Variants in SPATA13 observed in about 807,000 individuals in gnomAD.
The protein encoded by SPATA13 is spermatogenesis associated 13.
Under a neutral mutation model 104.0 loss-of-function variants are expected in SPATA13, and 50 were observed. That is an observed-to-expected ratio of 0.48 (90% CI 0.38 to 0.61). The LOEUF (loss-of-function observed/expected upper bound fraction) is 0.61. SPATA13 is among the 20% of genes least tolerant of loss of function. The probability of loss-of-function intolerance (pLI) is 0.00; values close to 1 mark genes in which losing one functional copy is unlikely to be tolerated. For synonymous variants in SPATA13, 606 were observed against 667.5 expected (o/e 0.91, Z 1.42); for missense variants, 1,524 against 1,690.6 (o/e 0.90, Z 1.73).
chr13:24,076,854 G>T (rs1395128768), intron 3 of SPATA13, among the ~76,000 whole-genome samples: 2 of 151,934 alleles, frequency 1.3e-5, no homozygotes, highest in African/African-American at 4.8e-5. Flanking sequence ...TACATGCAGG[G>T]TGGACAGGAG....
At chr13:24,180,170 A>G (rs189582563) in intron 1 of SPATA13, among the ~76,000 whole-genome samples, 1 of 152,274 alleles carries the variant, frequency 6.6e-6, no homozygotes, top group Admixed American at 6.5e-5. Context: ...TCTATTTTGC[A>G]TATGGTGTAA....
intron 3 of SPATA13, among the ~76,000 whole-genome samples, chr13:24,090,470 C>T (rs146750600): frequency 2.8e-3 from 426 of 152,302 alleles, no homozygotes; most frequent in African/African-American, 9.3e-3. Flanking sequence ...TCCTCCTGAC[C>T]GTCCCCTCAC....
At chr13:24,203,645 T>G (rs1323495745) in intron 1 of SPATA13, among the ~76,000 whole-genome samples, 1 of 152,204 alleles carries the variant, frequency 6.6e-6, no homozygotes, top group Non-Finnish European at 1.5e-5. Context: ...TAGGGTAATT[T>G]CTGGGGCTTA....
intron 1 of SPATA13, among the ~76,000 whole-genome samples, chr13:24,206,082 T>C (rs1870682230): frequency 6.6e-6 from 1 of 152,038 alleles, no homozygotes; most frequent in African/African-American, 2.4e-5. Flanking sequence ...ACAAATGGGA[T>C]CTAATTACAC....
At chr13:24,116,940 C>T (rs1202127128) in intron 3 of SPATA13, among the ~76,000 whole-genome samples, 1 of 152,186 alleles carries the variant, frequency 6.6e-6, no homozygotes. Flanking sequence ...AGTGAGAAGG[C>T]AGCTGTCTGC....
intron 3 of SPATA13, among the ~76,000 whole-genome samples, chr13:24,250,205 T>C (rs1454603792): frequency 1.3e-5 from 2 of 152,132 alleles, no homozygotes; most frequent in African/African-American, 2.4e-5. Flanking sequence ...TGTTAAAATG[T>C]AAAGATAAAA....
At chr13:24,017,937 C>T (rs1262020338) in intron 3 of SPATA13, among the ~76,000 whole-genome samples, 1 of 152,156 alleles carries the variant, frequency 6.6e-6, no homozygotes, top group Non-Finnish European at 1.5e-5. Flanking sequence ...AGTGAGGCCT[C>T]CTCTTAGCAA....
chr13:23,983,890 G>A (rs1875027194), exon 2 of SPATA13: 6 of 985,326 alleles, frequency 6.1e-6, no homozygotes, highest in African/African-American at 1.7e-5. Context: ...GCAACACCGT[G>A]CAGATGGCAA....
chr13:24,005,218 C>T (rs958966456), intron 2 of SPATA13, among the ~76,000 whole-genome samples: 11 of 152,114 alleles, frequency 7.2e-5, no homozygotes, highest in African/African-American at 2.4e-4. Context: ...TTTCTGGTAG[C>T]CTGGCTATTG....
intron 4 of SPATA13, among the ~76,000 whole-genome samples, chr13:24,259,493 G>A (rs1873956796): frequency 6.6e-6 from 1 of 152,212 alleles, no homozygotes; most frequent in South Asian, 2.1e-4. Flanking sequence ...GTACAATTGG[G>A]GATTATCATT....
intron 1 of SPATA13, among the ~76,000 whole-genome samples, chr13:24,188,366 A>G (rs1479810382): frequency 6.6e-6 from 1 of 151,246 alleles, no homozygotes; most frequent in Non-Finnish European, 1.5e-5. Flanking sequence ...GTGATACTCC[A>G]GTGAACACAC....
intron 4 of SPATA13, among the ~76,000 whole-genome samples, chr13:24,283,442 C>T (rs1486254858): frequency 6.6e-6 from 1 of 152,184 alleles, no homozygotes; most frequent in Non-Finnish European, 1.5e-5. Context: ...AGGACTGAGG[C>T]CATGAGTCTG....
chr13:24,190,481 A>G (rs73457811), intron 1 of SPATA13, among the ~76,000 whole-genome samples: 15 of 149,778 alleles, frequency 1.0e-4, no homozygotes, highest in African/African-American at 3.7e-4. Flanking sequence ...ACCATTCTAG[A>G]TGCCATAAAG....
At chr13:24,053,657 C>G (rs554069831) in intron 3 of SPATA13, among the ~76,000 whole-genome samples, 2 of 152,122 alleles carry the variant, frequency 1.3e-5, no homozygotes, top group Admixed American at 1.3e-4. Flanking sequence ...GTCTAAGACA[C>G]CTGGGGCTCC....
chr13:24,273,617 A>G (rs1289978952), intron 4 of SPATA13, among the ~76,000 whole-genome samples: 2 of 152,248 alleles, frequency 1.3e-5, no homozygotes, highest in Non-Finnish European at 1.5e-5. Context: ...GTCCTTGAGA[A>G]AGTCATAGCT....
intron 3 of SPATA13, among the ~76,000 whole-genome samples, chr13:24,085,072 G>A (rs1879673684): frequency 6.6e-6 from 1 of 150,590 alleles, no homozygotes; most frequent in Admixed American, 6.6e-5. Flanking sequence ...TGCCTTCGTG[G>A]CGATGTTGAT....
chr13:24,102,798 C>A (rs9511054), intron 3 of SPATA13, among the ~76,000 whole-genome samples: 122,887 of 152,126 alleles, frequency 0.81, 52,107 homozygotes, highest in Non-Finnish European at 0.94. Context: ...TTTTAAGTTC[C>A]ACATAATTCC....
intron 2 of SPATA13, among the ~76,000 whole-genome samples, chr13:23,993,677 G>C (rs564614434): frequency 3.3e-5 from 5 of 152,166 alleles, no homozygotes. Flanking sequence ...GGATAAGTGA[G>C]AATTTACCTA....
At chr13:24,162,588 C>T (rs1225468208) in intron 1 of SPATA13, 1 of 155,060 alleles carries the variant, frequency 6.4e-6, no homozygotes, top group Non-Finnish European at 1.5e-5. Flanking sequence ...GTCGTATCCT[C>T]TACATAGTTC....
Sources: gnomAD v4.1 joint callset for allele counts (sites outside exome capture counted in the v4.1 genomes callset) on GRCh38, gnomAD v4.1.1 for gene constraint, MANE v1.5 for transcripts, NCBI Gene and HGNC (gene_info 2026-07-23, HGNC 2026-07-21) for gene names.